The following DCC variants were observed in gnomAD, a reference collection of about 807,000 sequenced individuals.
DCC encodes the protein netrin receptor DCC.
DCC carries 58 observed loss-of-function variants against 172.5 expected under a neutral mutation model. That is an observed-to-expected ratio of 0.34 (90% confidence interval 0.27 to 0.42). The LOEUF (loss-of-function observed/expected upper bound fraction) is 0.42. DCC is among the 10% of genes least tolerant of loss of function. DCC has a pLI of 1.00. For synonymous variants in DCC, 709 were observed against 644.5 expected (o/e 1.10, Z -1.52); for missense variants, 1,740 against 1,791.0 (o/e 0.97, Z 0.51).
chr18:52,954,946 G>A (rs930040969), intron 5 of DCC, among the ~76,000 whole-genome samples: 1 of 152,160 alleles, frequency 6.6e-6, no homozygotes, highest in South Asian at 2.1e-4. Flanking sequence ...CAGAAAGTAC[G>A]GAGTTCTCAT....
chr18:52,507,349 G>A lies in DCC; in HGVS notation c.91+166471G>A, dbSNP rs548223602. 3.9e-5 allele frequency among the ~76,000 whole-genome samples: 6 copies of A among 152,208 alleles called. No homozygotes were observed. The East Asian group carries it at 7.7e-4, about 20-fold the overall frequency. On this transcript the variant is annotated intron_variant, in intron 1 of 28. Coordinates refer to ENST00000442544, the MANE Select transcript of DCC (RefSeq NM_005215.4). ...ATATATTAACACAGTGCTTGTAAGT[G>A]TATTAGTATAAAACTGATTGCACTG... is the stretch of plus-strand genomic sequence containing the variant.
intron 1 of DCC, among the ~76,000 whole-genome samples, chr18:52,723,845 C>T (rs934604799): frequency 7.9e-5 from 12 of 152,230 alleles, no homozygotes; most frequent in Non-Finnish European, 7.3e-5. Flanking sequence ...AGGGCAAAGG[C>T]GAGCCTAAGC....
chr18:53,380,249 A>G (rs945733813), intron 15 of DCC, among the ~76,000 whole-genome samples: 4 of 152,198 alleles, frequency 2.6e-5, no homozygotes, highest in African/African-American at 9.7e-5. Flanking sequence ...GCAGGAAAAT[A>G]GTTCCACATT....
At chr18:53,113,875 G>T (rs907657847) in intron 7 of DCC, among the ~76,000 whole-genome samples, 2 of 151,290 alleles carry the variant, frequency 1.3e-5, no homozygotes, top group South Asian at 2.1e-4. Context: ...ATTTTATTAT[G>T]TAATCTTAAC....
At chr18:52,942,510 G>GAA (rs2040479633) in intron 5 of DCC, among the ~76,000 whole-genome samples, 6 of 152,174 alleles carry the variant, frequency 3.9e-5, no homozygotes, top group Admixed American at 3.9e-4. Flanking sequence ...GGGCTGGAAA[G>GAA]AAAAAGAGGT....
chr18:52,774,944 C>G (rs1013798438), intron 2 of DCC, among the ~76,000 whole-genome samples: 3 of 152,160 alleles, frequency 2.0e-5, no homozygotes, highest in African/African-American at 7.2e-5. Context: ...GTGATAAGAG[C>G]CATTTCAAAC....
At chr18:52,874,040 A>T (rs11665461) in intron 2 of DCC, among the ~76,000 whole-genome samples, 45,509 of 152,034 alleles carry the variant, frequency 0.3, 8,086 homozygotes, top group Non-Finnish European at 0.41. Flanking sequence ...GTGAGTACAG[A>T]ACTTGTATTT....
At position 52,497,277 on chromosome 18, in the gene DCC, AAAAATATATATATAT is replaced by A. The variant is rs1250554912; in HGVS notation, c.91+156401_91+156415del. Among the ~76,000 whole-genome samples, 108 of 34,752 alleles carry A rather than the reference AAAAATATATATATAT, an allele frequency of 3.1e-3. 13 individuals carry two copies. Among genetic ancestry groups the A allele is most frequent in the African/African-American group, 8.8e-3 (81 of 9,156 alleles). 22.8% of individuals were successfully genotyped at this position (34,752 alleles called of 152,430 possible). The stretch of plus-strand genomic sequence containing the variant: ...CCCTGTATCAAAAAAAAAAAAAAAA[AAAAATATATATATAT>A]ATATATATATATATATATATATACA... On this transcript the variant is annotated intron_variant, in intron 1 of 28. Transcript: ENST00000442544.
At chr18:53,441,118 G>A (rs1216564352) in intron 22 of DCC, among the ~76,000 whole-genome samples, 3 of 152,172 alleles carry the variant, frequency 2.0e-5, no homozygotes, top group African/African-American at 7.2e-5. Flanking sequence ...TTGGCAGGGA[G>A]GGAATCTTCC....
intron 12 of DCC, among the ~76,000 whole-genome samples, chr18:53,292,399 C>T (rs2057016435): frequency 6.6e-6 from 1 of 151,944 alleles, no homozygotes; most frequent in Non-Finnish European, 1.5e-5. Context: ...TAAAAAAAAC[C>T]ACCTCAGCCA....
chr18:52,438,691 C>A (rs1987874737), intron 1 of DCC, among the ~76,000 whole-genome samples: 1 of 152,154 alleles, frequency 6.6e-6, no homozygotes, highest in Admixed American at 6.6e-5. Context: ...AATGAGGCTA[C>A]CATAATAAAG....
At chr18:52,900,822 A>G (rs1487801153) in intron 2 of DCC, among the ~76,000 whole-genome samples, 3 of 152,220 alleles carry the variant, frequency 2.0e-5, no homozygotes, top group Non-Finnish European at 4.4e-5. Flanking sequence ...GTGTGAAGGT[A>G]GGAACTTTGA....
chr18:52,840,382 A>G (rs1371623211), intron 2 of DCC, among the ~76,000 whole-genome samples: 7 of 152,168 alleles, frequency 4.6e-5, no homozygotes, highest in Non-Finnish European at 7.3e-5. Context: ...AAATGATACC[A>G]ATACTGTTTG....
At chr18:52,344,291 A>C (rs1357146554) in intron 1 of DCC, among the ~76,000 whole-genome samples, 1 of 152,204 alleles carries the variant, frequency 6.6e-6, no homozygotes, top group African/African-American at 2.4e-5. Context: ...TGCAGGCTGT[A>C]GTATGGTTTC....
At chr18:53,020,368 T>C (rs1259116687) in intron 5 of DCC, among the ~76,000 whole-genome samples, 2 of 152,178 alleles carry the variant, frequency 1.3e-5, no homozygotes, top group African/African-American at 4.8e-5. Flanking sequence ...CAACAAATTA[T>C]ACTTTCTTAG....
At chr18:53,105,989 G>A (rs529877862) in intron 7 of DCC, among the ~76,000 whole-genome samples, 86 of 151,162 alleles carry the variant, frequency 5.7e-4, no homozygotes, top group African/African-American at 1.8e-3. Flanking sequence ...AAGCAGAGGC[G>A]GCAGGCTGTT....
chr18:52,449,688 T>A (rs1988239606), intron 1 of DCC, among the ~76,000 whole-genome samples: 1 of 152,220 alleles, frequency 6.6e-6, no homozygotes, highest in Non-Finnish European at 1.5e-5. Context: ...CCCACCCAAA[T>A]CTTACCTTTA....
chr18:52,775,631 A>G (rs1444403314), intron 2 of DCC, among the ~76,000 whole-genome samples: 2 of 152,174 alleles, frequency 1.3e-5, no homozygotes, highest in Admixed American at 6.5e-5. Flanking sequence ...CCGCCGGTAG[A>G]TGGCCTGCAG....
At chr18:52,495,226 T>C (rs545500902) in intron 1 of DCC, among the ~76,000 whole-genome samples, 1 of 152,258 alleles carries the variant, frequency 6.6e-6, no homozygotes, top group Non-Finnish European at 1.5e-5. Flanking sequence ...CTTCAGAATC[T>C]GGCATGTGTG....
Sources: gnomAD v4.1 joint callset for allele counts (sites outside exome capture counted in the v4.1 genomes callset) on GRCh38, gnomAD v4.1.1 for gene constraint, MANE v1.5 for transcripts, NCBI Gene and HGNC (gene_info 2026-07-23, HGNC 2026-07-21) for gene names.